Variants in CELF2 observed in about 807,000 individuals in gnomAD.
CELF2 encodes the protein CUGBP Elav-like family member 2, also known as CUG triplet repeat RNA-binding protein 2.
A neutral mutation model predicts 62.6 loss-of-function variants in CELF2; 8 were observed. The observed-to-expected ratio is 0.13, with a 90% CI of 0.07 to 0.23. The LOEUF is 0.23. CELF2 is among the 10% of genes least tolerant of loss of function. The probability of loss-of-function intolerance (pLI) is 1.00; values close to 1 mark genes in which losing one functional copy is unlikely to be tolerated. For synonymous variants in CELF2, 258 were observed against 250.0 expected (o/e 1.03, Z -0.30); for missense variants, 333 against 671.0 (o/e 0.50, Z 5.56).
At chr10:11,072,203 G>A (rs1257707428) in intron 1 of CELF2, among the ~76,000 whole-genome samples, 1 of 152,118 alleles carries the variant, frequency 6.6e-6, no homozygotes, top group Non-Finnish European at 1.5e-5. Context: ...TTCAGCCCAT[G>A]GAAGACACTA....
intron 1 of CELF2, among the ~76,000 whole-genome samples, chr10:10,840,550 TGTTA>T (rs2058612764): frequency 1.3e-5 from 2 of 152,240 alleles, no homozygotes; most frequent in Non-Finnish European, 2.9e-5. Flanking sequence ...TTAATTGGCT[TGTTA>T]GTTTTATTGC....
intron 1 of CELF2, among the ~76,000 whole-genome samples, chr10:11,136,165 A>T (rs188336235): frequency 6.6e-6 from 1 of 152,312 alleles, no homozygotes; most frequent in African/African-American, 2.4e-5. Flanking sequence ...TGGGATGGAG[A>T]TTTTCAATCA....
At position 11,296,769 on chromosome 10, in the gene CELF2, G is replaced by A. The variant is rs969599317; in HGVS notation, c.976+8217G>A. Among the ~76,000 whole-genome samples the A allele has an allele frequency of 5.3e-5, 8 of 152,166 alleles. No homozygotes were observed. The highest frequency in any genetic ancestry group is 1.2e-4 in the African/African-American group (5 of 41,434). ...AGTGACAGGAGAGATTCTGCCCCAA[G>A]GAAGTAAGGGAAATTTTAGTAGAAG... On this transcript the variant is annotated intron_variant, in intron 9 of 12. Transcript: ENST00000633077. The surrounding 1 kb of genome is among the most constrained non-coding windows in gnomAD (Gnocchi z 5.0).
chr10:10,578,943 A>G, the CELF2 span, among the ~76,000 whole-genome samples: 4 of 151,982 alleles, frequency 2.6e-5, no homozygotes, highest in Admixed American at 6.6e-5. Context: ...GCATGTTGGG[A>G]CTCTTCAACT....
the CELF2 span, among the ~76,000 whole-genome samples, chr10:10,506,957 G>T: frequency 6.6e-6 from 1 of 152,000 alleles, no homozygotes; most frequent in Non-Finnish European, 1.5e-5. Context: ...GAGCCACTGC[G>T]CCTGGCTACC....
At chr10:10,523,562 TCTCA>T in the CELF2 span, among the ~76,000 whole-genome samples, 25 of 152,302 alleles carry the variant, frequency 1.6e-4, no homozygotes, top group African/African-American at 4.6e-4. Context: ...CCCCTTAGAC[TCTCA>T]CTGAGGCTGA....
rs1409083653 is a variant in CELF2 at position 11,321,232 on chromosome 10, T to C, written c.1140T>C (p.Leu380=). 6.2e-7 allele frequency: 1 copy of C among 1,614,022 alleles called. No homozygotes were observed. The highest frequency in any genetic ancestry group is 8.5e-7 in the Non-Finnish European group (1 of 1,180,038). ...GTATGGCGGCTCTGAATGGAGGACT[T>C]GGCGCCACAGGCTTGACGAATGGCA... The part of the protein sequence containing the change: ...LSGMAALNGG[L]GATGLTNGTA... Residue 380 remains leucine, a synonymous_variant, in exon 11 of 13, where the codon CTT becomes CTC. Transcript: ENST00000633077. This position sits in a 1 kb window ranked among gnomAD's most constrained non-coding sequence, Gnocchi z 6.2.
At chr10:10,914,134 A>T (rs879762634) in intron 1 of CELF2, among the ~76,000 whole-genome samples, 58 of 149,240 alleles carry the variant, frequency 3.9e-4, no homozygotes, top group African/African-American at 1.3e-3. Flanking sequence ...CTTTTTTTAA[A>T]AAAAAAAAAT....
the CELF2 span, among the ~76,000 whole-genome samples, chr10:10,528,906 C>T: frequency 2.0e-5 from 3 of 152,154 alleles, no homozygotes; most frequent in Admixed American, 2.0e-4. Context: ...TATCATAGCA[C>T]AGCCAAGAAT....
Position 11,314,377 on chromosome 10 carries a change from T to G in CELF2, c.1096+119T>G, listed in dbSNP as rs765765365. The G allele has an allele frequency of 7.3e-7, 1 of 1,370,574 alleles. No homozygotes were observed. The highest frequency in any genetic ancestry group is 1.2e-5 in the South Asian group (1 of 84,316). The allele number at this position is 1,370,574 out of a possible 1,614,324, so 84.9% of individuals were successfully genotyped here. ...ATATGCCACGGGGAGAACTAAAACT[T>G]GGGATGGAGGAGCACATGCTTTGAT... is the stretch of plus-strand genomic sequence containing the variant. On this transcript the variant is annotated intron_variant, in intron 10 of 12. Transcript: ENST00000633077. The surrounding 1 kb of genome is among the most constrained non-coding windows in gnomAD (Gnocchi z 5.3).
intron 1 of CELF2, among the ~76,000 whole-genome samples, chr10:10,914,756 T>C (rs2064164200): frequency 6.6e-6 from 1 of 152,198 alleles, no homozygotes; most frequent in African/African-American, 2.4e-5. Flanking sequence ...ATTCTACTTC[T>C]TAGTTGCTGG....
chr10:11,165,270 A>G lies in CELF2; in HGVS notation c.75-216A>G. 3 of 1,383,504 alleles carry G rather than the reference A, an allele frequency of 2.2e-6. No individual in the cohort carries two copies. Among genetic ancestry groups the G allele is most frequent in the Non-Finnish European group, 2.8e-6 (3 of 1,068,794 alleles). 85.7% of individuals were successfully genotyped at this position (1,383,504 alleles called of 1,614,324 possible). ...CCCCGTGCTCCCCCGGCTCTGCTCG[A>G]CAGCAGCACGCAGTGAGAGCCTCGC... On this transcript the variant is annotated intron_variant, in intron 1 of 12. Coordinates refer to ENST00000633077, the MANE Select transcript of CELF2 (RefSeq NM_001326342.2). This position sits in a 1 kb window ranked among gnomAD's most constrained non-coding sequence, Gnocchi z 7.4.
At chr10:10,507,573 A>C in the CELF2 span, among the ~76,000 whole-genome samples, 1 of 152,180 alleles carries the variant, frequency 6.6e-6, no homozygotes, top group Non-Finnish European at 1.5e-5. Flanking sequence ...CCCACTAGCT[A>C]CCTAGAAGGT....
the CELF2 span, among the ~76,000 whole-genome samples, chr10:10,671,786 G>A: frequency 3.1e-4 from 47 of 151,730 alleles, no homozygotes; most frequent in South Asian, 9.6e-3. Context: ...CTGGAGTGCA[G>A]TGGTGCAATC....
intron 9 of CELF2, among the ~76,000 whole-genome samples, chr10:11,307,177 G>A (rs371699203): frequency 1.5e-4 from 23 of 152,354 alleles, no homozygotes; most frequent in East Asian, 5.8e-4. Flanking sequence ...GTCCTCCAGC[G>A]CCTCTTCTCC....
chr10:11,277,861 A>G (rs534049712), intron 8 of CELF2, among the ~76,000 whole-genome samples: 52 of 152,348 alleles, frequency 3.4e-4, no homozygotes, highest in Non-Finnish European at 2.2e-4. Context: ...TAGAGGGGGC[A>G]CATAAACAAT....
intron 1 of CELF2, chr10:11,164,956 C>A: frequency 1.8e-6 from 1 of 557,388 alleles, no homozygotes; most frequent in Non-Finnish European, 2.3e-6. Context: ...ATCTGACGGA[C>A]TGCCAAGTGT....
At position 10,907,424 on chromosome 10, in the gene CELF2, C is replaced by T. The variant is rs577629737; in HGVS notation, c.54-12540C>T. Among the ~76,000 whole-genome samples the T allele has an allele frequency of 6.9e-4, 105 of 152,154 alleles. 1 individual carries two copies. The South Asian group carries it at 0.01, about 15-fold the overall frequency. On this transcript the variant is annotated intron_variant, in intron 1 of 13. Coordinates refer to the CELF2 transcript ENST00000636488. The stretch of plus-strand genomic sequence containing the variant: ...TAAAAAAAGTTTTATTACAAATGTG[C>T]TTTTAAAGAACAAGTAGAGAAATAA...
chr10:11,322,637 G>T (rs1158667213), intron 11 of CELF2, among the ~76,000 whole-genome samples: 11 of 84,642 alleles, frequency 1.3e-4, no homozygotes, highest in Admixed American at 1.3e-4. Context: ...AGATACTCAT[G>T]GTTTTTTTTT....
Sources: allele counts gnomAD v4.1 joint callset (sites outside exome capture counted in the v4.1 genomes callset), GRCh38; gene constraint gnomAD v4.1.1; non-coding constraint Gnocchi (gnomAD v3.1); transcripts MANE v1.5; gene names NCBI Gene and HGNC (gene_info 2026-07-23, HGNC 2026-07-21).